The following CAB39L variants were observed in gnomAD, a reference collection of about 807,000 sequenced individuals.
CAB39L encodes calcium binding protein 39 like, also known as calcium-binding protein 39-like.
Under a neutral mutation model 39.1 loss-of-function variants are expected in CAB39L, and 23 were observed. The ratio of observed to expected loss-of-function variants is 0.59; its 90% confidence interval spans 0.42 to 0.83. The LOEUF (loss-of-function observed/expected upper bound fraction) is 0.83. Ranked by LOEUF, CAB39L falls within the 40% of genes least tolerant of loss-of-function variation. CAB39L has a pLI of 0.00. For synonymous variants in CAB39L, 126 were observed against 137.2 expected, an observed-to-expected ratio of 0.92 and a Z score of 0.57; for missense variants, 366 against 391.9, an observed-to-expected ratio of 0.93 and a Z score of 0.56.
chr13:49,326,209 T>C (rs1461346929), intron 10 of CAB39L, among the ~76,000 whole-genome samples: 4 of 152,228 alleles, frequency 2.6e-5, no homozygotes, highest in Non-Finnish European at 5.9e-5. Flanking sequence ...GAGAAGATCA[T>C]CTCATAATGT....
intron 10 of CAB39L, among the ~76,000 whole-genome samples, chr13:49,320,108 G>A (rs546986062): frequency 1.3e-5 from 2 of 152,244 alleles, no homozygotes; most frequent in Admixed American, 6.5e-5. Context: ...GTCAGCTAAT[G>A]CAATAGTGCA....
At chr13:49,332,831 G>C (rs1954749157) in intron 9 of CAB39L, among the ~76,000 whole-genome samples, 1 of 151,726 alleles carries the variant, frequency 6.6e-6, no homozygotes, top group African/African-American at 2.4e-5. Flanking sequence ...GGCTGCTGTA[G>C]CAATTCCTAA....
intron 10 of CAB39L, among the ~76,000 whole-genome samples, chr13:49,331,211 A>T (rs1349602130): frequency 6.6e-6 from 1 of 152,164 alleles, no homozygotes; most frequent in East Asian, 1.9e-4. Context: ...CATGCCTGTA[A>T]TCCCAGCTCT....
intron 7 of CAB39L, among the ~76,000 whole-genome samples, chr13:49,349,128 A>G (rs1311446358): frequency 6.6e-6 from 1 of 152,190 alleles, no homozygotes; most frequent in Non-Finnish European, 1.5e-5. Context: ...AGCAGAGCAA[A>G]CCACTGCTTT....
intron 9 of CAB39L, among the ~76,000 whole-genome samples, chr13:49,338,214 C>T (rs922147154): frequency 1.3e-5 from 2 of 151,752 alleles, no homozygotes; most frequent in Admixed American, 6.6e-5. Context: ...ATGTTTACTG[C>T]GGCATTATTC....
intron 4 of CAB39L, among the ~76,000 whole-genome samples, chr13:49,378,573 T>A (rs1956161960): frequency 1.5e-5 from 1 of 65,322 alleles, no homozygotes; most frequent in Non-Finnish European, 3.0e-5. Context: ...AGCCGCCCCG[T>A]CCGGGAGGGA....
chr13:49,337,553 AT>A (rs1437590678), intron 9 of CAB39L, among the ~76,000 whole-genome samples: 1 of 152,130 alleles, frequency 6.6e-6, no homozygotes, highest in Non-Finnish European at 1.5e-5. Flanking sequence ...GTTCCCTGTC[AT>A]TTCCACAGCC....
chr13:49,411,292 C>T (rs1313741175), intron 3 of CAB39L, among the ~76,000 whole-genome samples: 3 of 151,656 alleles, frequency 2.0e-5, no homozygotes, highest in African/African-American at 7.3e-5. Flanking sequence ...TGCCTGTAAT[C>T]CCAGCTACTT....
intron 10 of CAB39L, among the ~76,000 whole-genome samples, chr13:49,325,592 C>T (rs1328678721): frequency 6.6e-6 from 1 of 152,034 alleles, no homozygotes; most frequent in Non-Finnish European, 1.5e-5. Context: ...AGTTTGAGAC[C>T]AGCCGGGCCA....
intron 6 of CAB39L, among the ~76,000 whole-genome samples, chr13:49,355,138 G>A (rs1955450713): frequency 6.6e-6 from 1 of 152,000 alleles, no homozygotes. Flanking sequence ...CACTTTGGGA[G>A]GCCAAGGCAG....
In CAB39L at chr13:49,319,238, G is replaced by T. The variant is rs143586850; in HGVS notation, c.835-8245C>A. ...CAGCCTGGTGACACAGCGAGACCCT[G>T]TCTCAAAAAAATTAAAACAAAATAA... On this transcript the variant is annotated intron_variant, in intron 10 of 10. Coordinates refer to ENST00000409308, the MANE Select transcript of CAB39L (RefSeq NM_001079670.3). Among the ~76,000 whole-genome samples, 171 of 152,152 alleles carry T rather than the reference G, an allele frequency of 1.1e-3. 1 individual carries two copies. Among genetic ancestry groups the T allele is most frequent in the African/African-American group, 3.4e-3 (142 of 41,514 alleles).
chr13:49,366,495 C>T (rs1488266579), intron 5 of CAB39L, among the ~76,000 whole-genome samples: 4 of 151,582 alleles, frequency 2.6e-5, no homozygotes, highest in Non-Finnish European at 5.9e-5. Context: ...GGCTTGGTGG[C>T]ACGCACCTAT....
rs1955322337 is a variant in CAB39L at position 49,350,770 on chromosome 13, C to T, written c.538G>A (p.Ala180Thr). ...TTGAAAGTAGCAAAGGCATCTGAAG[C>T]AATATCAAATGTTGACAACTCCACG... ...KYVELSTFDI[A>T]SDAFATFKDL... The change falls in exon 7 of 11, where the codon GCT (alanine) becomes ACT (threonine). Residue 180 changes from alanine (A) to threonine (T), a missense_variant. Coordinates refer to ENST00000409308, the MANE Select transcript of CAB39L (RefSeq NM_001079670.3). 6.4e-7 allele frequency: 1 copy of T among 1,574,714 alleles called. No homozygotes were observed. The highest frequency in any genetic ancestry group is 1.4e-5 in the African/African-American group (1 of 73,048).
chr13:49,330,570 A>G (rs1197311192), intron 10 of CAB39L, among the ~76,000 whole-genome samples: 1 of 152,150 alleles, frequency 6.6e-6, no homozygotes, highest in Non-Finnish European at 1.5e-5. Context: ...GGCTGCAGTA[A>G]GCCATGATCA....
At chr13:49,378,547 G>GC (rs1217660214) in intron 4 of CAB39L, among the ~76,000 whole-genome samples, 3 of 64,152 alleles carry the variant, frequency 4.7e-5, no homozygotes, top group Admixed American at 1.2e-4. Flanking sequence ...GGGGGGGTCA[G>GC]CCCCCCCACC....
At chr13:49,359,333 C>T (rs1207972344) in intron 6 of CAB39L, among the ~76,000 whole-genome samples, 1 of 152,034 alleles carries the variant, frequency 6.6e-6, no homozygotes, top group Non-Finnish European at 1.5e-5. Flanking sequence ...TTCCCAGAAC[C>T]AGAATATATA....
In CAB39L at chr13:49,309,891, G is replaced by T. The variant is rs1953937779; in HGVS notation, c.*923C>A. ...CCAATGGTTATTGATACTGATAGAA[G>T]TTCCCCGCTGAGACTCCCTGGACCC... On this transcript the variant is annotated 3_prime_UTR_variant, in exon 11 of 11. Coordinates refer to ENST00000409308, the MANE Select transcript of CAB39L (RefSeq NM_001079670.3). 6.6e-6 allele frequency: 1 copy of T among 152,178 alleles called. No homozygotes were observed. The highest frequency in any genetic ancestry group is 6.5e-5 in the Admixed American group (1 of 15,280). 9.4% of individuals were successfully genotyped at this position (152,178 alleles called of 1,614,324 possible).
chr13:49,439,557 G>A (rs891467879), intron 1 of CAB39L, among the ~76,000 whole-genome samples: 89 of 152,288 alleles, frequency 5.8e-4, no homozygotes, highest in African/African-American at 2.0e-3. Context: ...ATGAACATAT[G>A]AGTGCATGTA....
chr13:49,322,594 C>G (rs1249028785), intron 10 of CAB39L, among the ~76,000 whole-genome samples: 1 of 152,128 alleles, frequency 6.6e-6, no homozygotes, highest in Non-Finnish European at 1.5e-5. Flanking sequence ...ATCTTCCATC[C>G]AAAGAATGAG....
Sources: gnomAD v4.1 joint callset for allele counts (sites outside exome capture counted in the v4.1 genomes callset) on GRCh38, gnomAD v4.1.1 for gene constraint, MANE v1.5 for transcripts, NCBI Gene and HGNC (gene_info 2026-07-23, HGNC 2026-07-21) for gene names.